Variants in P2RY6 observed in about 807,000 individuals in gnomAD.
P2RY6 encodes the protein pyrimidinergic receptor P2Y6.
P2RY6 carries 19 observed loss-of-function variants against 16.3 expected under a neutral mutation model. The ratio of observed to expected loss-of-function variants is 1.16; its 90% confidence interval spans 0.81 to 1.71. The LOEUF is 1.71. Among genes scored for constraint, P2RY6 ranks in the 40% most tolerant of loss-of-function variants. The pLI is 0.00. For missense variants in P2RY6, 389 were observed against 455.5 expected, an observed-to-expected ratio of 0.85 and a Z score of 1.33; for synonymous variants, 184 against 201.5, an observed-to-expected ratio of 0.91 and a Z score of 0.74.
chr11:73,273,826 C>T (rs747650497), intron 1 of P2RY6, among the ~76,000 whole-genome samples: 1 of 152,080 alleles, frequency 6.6e-6, no homozygotes, highest in African/African-American at 2.4e-5. Flanking sequence ...CCCACTGACG[C>T]TTTTTATTTT....
intron 1 of P2RY6, chr11:73,289,565 G>T (rs1226050743): frequency 1.3e-5 from 2 of 152,380 alleles, no homozygotes; most frequent in Non-Finnish European, 2.9e-5. Flanking sequence ...GCCCCGAGGG[G>T]AGGCCCCCCA....
chr11:73,274,919 C>T lies in P2RY6; in HGVS notation c.-121+2453C>T, dbSNP rs556904399. 2.0e-3 allele frequency among the ~76,000 whole-genome samples: 304 copies of T among 152,392 alleles called. 1 individual carries two copies. The highest frequency in any genetic ancestry group is 7.0e-3 in the African/African-American group (290 of 41,594). ...TCAGGCTGGGGTGGGGATCCGGCAG[C>T]CCAGGCTCTGGCTCTCCCTCTGTGA... is the stretch of plus-strand genomic sequence containing the variant. On this transcript the variant is annotated intron_variant, in intron 1 of 2. Transcript: ENST00000540124.
chr11:73,276,039 A>G (rs941685088), intron 1 of P2RY6, among the ~76,000 whole-genome samples: 2 of 152,246 alleles, frequency 1.3e-5, no homozygotes, highest in African/African-American at 2.4e-5. Context: ...CCCGAAACTC[A>G]TGACTCTCCC....
Position 73,297,363 on chromosome 11 carries a change from C to G in P2RY6, c.845C>G (p.Ala282Gly), listed in dbSNP as rs771071916. Residue 282 changes from alanine (A) to glycine (G), a missense_variant, in exon 3 of 3, where the codon GCC becomes GGC. Transcript: ENST00000540124. ...ACTGTATTGGAGGCCTTTGCAGCGGCCTACAAAGGCACGCGGCCGTTTGCC... is the reference window on the plus strand; with the variant it reads ...ACTGTATTGGAGGCCTTTGCAGCGGGCTACAAAGGCACGCGGCCGTTTGCC... The part of the protein sequence containing the change: ...PCTVLEAFAA[A>G]YKGTRPFASA... 1 of 1,612,194 alleles carries G rather than the reference C, an allele frequency of 6.2e-7. No individual in the cohort carries two copies. The highest frequency in any genetic ancestry group is 1.3e-5 in the African/African-American group (1 of 74,960).
At chr11:73,279,625 C>G (rs2135712193) in intron 1 of P2RY6, among the ~76,000 whole-genome samples, 1 of 152,318 alleles carries the variant, frequency 6.6e-6, no homozygotes, top group South Asian at 2.1e-4. Flanking sequence ...ACTCAAGTTC[C>G]TTCCAGAAGC....
chr11:73,278,833 G>A (rs145712904), intron 1 of P2RY6, among the ~76,000 whole-genome samples: 387 of 152,278 alleles, frequency 2.5e-3, no homozygotes, highest in Non-Finnish European at 2.6e-3. Flanking sequence ...GAACATTGAT[G>A]TATAAACTTC....
chr11:73,280,097 T>C (rs1319527659), intron 1 of P2RY6, among the ~76,000 whole-genome samples: 1 of 152,102 alleles, frequency 6.6e-6, no homozygotes, highest in Non-Finnish European at 1.5e-5. Context: ...GTCAGAACAG[T>C]AGAGGGACTG....
intron 1 of P2RY6, among the ~76,000 whole-genome samples, chr11:73,276,584 C>T (rs925569783): frequency 2.0e-4 from 31 of 152,094 alleles, no homozygotes; most frequent in African/African-American, 6.0e-4. Flanking sequence ...CCTGAAGACA[C>T]GCTGAGTAAA....
chr11:73,294,008 G>C (rs1864377761), intron 1 of P2RY6, among the ~76,000 whole-genome samples: 1 of 152,148 alleles, frequency 6.6e-6, no homozygotes, highest in South Asian at 2.1e-4. Flanking sequence ...GCTGCCTCTT[G>C]AAGGCCAGCC....
At chr11:73,284,529 C>G (rs1863890760) in intron 1 of P2RY6, among the ~76,000 whole-genome samples, 1 of 152,192 alleles carries the variant, frequency 6.6e-6, no homozygotes, top group Admixed American at 6.5e-5. Flanking sequence ...TGGGACTGTT[C>G]ACAGCCCAAA....
chr11:73,279,384 A>G (rs1474809632), intron 1 of P2RY6, among the ~76,000 whole-genome samples: 1 of 152,230 alleles, frequency 6.6e-6, no homozygotes, highest in Non-Finnish European at 1.5e-5. Context: ...ATAAATTTCA[A>G]CTTATTTAAT....
chr11:73,268,061 G>A (rs1221859057), upstream of P2RY6, among the ~76,000 whole-genome samples: 4 of 152,402 alleles, frequency 2.6e-5, no homozygotes, highest in South Asian at 2.1e-4. Context: ...CGTGGGTGGT[G>A]TGTTCCCAAG....
intron 1 of P2RY6, among the ~76,000 whole-genome samples, chr11:73,291,672 A>G (rs1864253349): frequency 6.6e-6 from 1 of 152,226 alleles, no homozygotes; most frequent in African/African-American, 2.4e-5. Context: ...TTGGGGTGAG[A>G]TCGATGCCTT....
At chr11:73,279,824 C>T (rs555664967) in intron 1 of P2RY6, among the ~76,000 whole-genome samples, 1 of 152,134 alleles carries the variant, frequency 6.6e-6, no homozygotes, top group Admixed American at 6.5e-5. Flanking sequence ...CTGAATGGGG[C>T]GAGAGTCTCC....
At chr11:73,292,821 G>A in intron 1 of P2RY6, 1 of 985,398 alleles carries the variant, frequency 1.0e-6, no homozygotes, top group Non-Finnish European at 1.2e-6. Context: ...AGAAGTTGCA[G>A]CCTAGCTGAG....
intron 1 of P2RY6, among the ~76,000 whole-genome samples, chr11:73,281,583 G>A (rs1276557323): frequency 6.6e-6 from 1 of 152,230 alleles, no homozygotes. Context: ...TGGGCACAAG[G>A]GCCAAGCAGG....
upstream of P2RY6, among the ~76,000 whole-genome samples, chr11:73,268,995 A>G (rs946361553): frequency 4.6e-5 from 7 of 152,220 alleles, no homozygotes; most frequent in Non-Finnish European, 8.8e-5. Context: ...AGACCCACCC[A>G]AGGGAGTAGC....
chr11:73,292,023 C>A (rs1864272170), intron 1 of P2RY6, among the ~76,000 whole-genome samples: 1 of 152,236 alleles, frequency 6.6e-6, no homozygotes, highest in African/African-American at 2.4e-5. Context: ...CTGGAGCTGG[C>A]CTCCCTGGGA....
chr11:73,287,590 T>TC (rs1354202596), intron 1 of P2RY6, among the ~76,000 whole-genome samples: 3 of 152,052 alleles, frequency 2.0e-5, no homozygotes, highest in East Asian at 3.9e-4. Flanking sequence ...GGGCCATCTC[T>TC]CCCCCCACGG....
Sources: allele counts gnomAD v4.1 joint callset (sites outside exome capture counted in the v4.1 genomes callset), GRCh38; gene constraint gnomAD v4.1.1; transcripts MANE v1.5; gene names NCBI Gene and HGNC (gene_info 2026-07-23, HGNC 2026-07-21).